Variants in RAB3C observed in about 807,000 individuals in gnomAD.
RAB3C encodes the protein ras-related protein Rab-3C.
A neutral mutation model predicts 26.4 loss-of-function variants in RAB3C; 17 were observed. That is an observed-to-expected ratio of 0.64 (90% CI 0.44 to 0.97). RAB3C has a LOEUF of 0.97. Among genes scored for constraint, RAB3C ranks in the 50% least tolerant of loss-of-function variants. The probability of loss-of-function intolerance (pLI) is 0.00; values close to 1 mark genes in which losing one functional copy is unlikely to be tolerated. For synonymous variants in RAB3C, 91 were observed against 95.9 expected (o/e 0.95, Z 0.30); for missense variants, 242 against 281.9 (o/e 0.86, Z 1.01).
At chr5:58,818,102 T>C (rs1255367630) in intron 3 of RAB3C, among the ~76,000 whole-genome samples, 1 of 152,162 alleles carries the variant, frequency 6.6e-6, no homozygotes, top group African/African-American at 2.4e-5. Flanking sequence ...TCGACAATTG[T>C]TTTTGTGGGT....
At chr5:58,597,076 A>AAT (rs1187806675) in intron 1 of RAB3C, among the ~76,000 whole-genome samples, 1 of 43,150 alleles carries the variant, frequency 2.3e-5, no homozygotes, top group African/African-American at 9.7e-5. Context: ...TATATTATAT[A>AAT]ATAATATATA....
chr5:58,790,741 G>A (rs1429036008), intron 3 of RAB3C, among the ~76,000 whole-genome samples: 1 of 152,078 alleles, frequency 6.6e-6, no homozygotes, highest in African/African-American at 2.4e-5. Context: ...AAAAAATGAT[G>A]TCTCTATAGT....
At chr5:58,827,785 C>G (rs1486942453) in intron 4 of RAB3C, among the ~76,000 whole-genome samples, 1 of 152,156 alleles carries the variant, frequency 6.6e-6, no homozygotes, top group Non-Finnish European at 1.5e-5. Flanking sequence ...CTCCTCATGG[C>G]TACACATGCT....
Position 58,859,387 on chromosome 5 carries a change from T to C in RAB3C, c.*8036T>C, listed in dbSNP as rs1371588396. 1 of 152,240 alleles carries C rather than the reference T, an allele frequency of 6.6e-6. No individual in the cohort carries two copies. Among genetic ancestry groups the C allele is most frequent in the Admixed American group, 6.5e-5 (1 of 15,282 alleles). 9.4% of individuals were successfully genotyped at this position (152,240 alleles called of 1,614,324 possible). A position where few individuals can be genotyped will look rare whatever the true frequency, so the allele number is the denominator to read the frequency against. On this transcript the variant is annotated 3_prime_UTR_variant, in exon 5 of 5. Coordinates refer to ENST00000282878, the MANE Select transcript of RAB3C (RefSeq NM_138453.4). ...TACAATAAATATCTAAGAGACTATA[T>C]TCCTGAATTTCTTAGCCTTAGTCTG...
intron 3 of RAB3C, among the ~76,000 whole-genome samples, chr5:58,756,539 C>G (rs1347150806): frequency 6.7e-6 from 1 of 149,976 alleles, no homozygotes; most frequent in East Asian, 1.9e-4. Flanking sequence ...GGCCCCCCAC[C>G]CCCCAACAGG....
chr5:58,779,279 T>C (rs958631143), intron 3 of RAB3C, among the ~76,000 whole-genome samples: 2 of 151,402 alleles, frequency 1.3e-5, no homozygotes, highest in Admixed American at 6.6e-5. Context: ...AAAAAGGAAC[T>C]TGTAGACTTT....
intron 3 of RAB3C, among the ~76,000 whole-genome samples, chr5:58,776,441 T>C (rs944515617): frequency 6.6e-6 from 1 of 152,082 alleles, no homozygotes; most frequent in African/African-American, 2.4e-5. Context: ...TCAAATAATA[T>C]CTCCATTCCG....
At chr5:58,660,968 G>A (rs1747893051) in intron 2 of RAB3C, among the ~76,000 whole-genome samples, 1 of 148,482 alleles carries the variant, frequency 6.7e-6, no homozygotes, top group Non-Finnish European at 1.5e-5. Context: ...CAAATTAGGT[G>A]GGAACTAACA....
At chr5:58,646,837 A>T (rs1444028609) in intron 2 of RAB3C, among the ~76,000 whole-genome samples, 1 of 152,172 alleles carries the variant, frequency 6.6e-6, no homozygotes, top group Non-Finnish European at 1.5e-5. Flanking sequence ...GACATATTCA[A>T]TTAGGAGTCT....
At position 58,638,057 on chromosome 5, in the gene RAB3C, C is replaced by A. The variant is rs187658583; in HGVS notation, c.252+20187C>A. On this transcript the variant is annotated intron_variant, in intron 2 of 4. Transcript: ENST00000282878. Reference sequence around the variant, plus strand: ...ATGATAATTTTCAATGGTATAAATACCTCTTTGGGTGGATAAGTCCCAGAA... The same window carrying A: ...ATGATAATTTTCAATGGTATAAATAACTCTTTGGGTGGATAAGTCCCAGAA... Among the ~76,000 whole-genome samples the A allele has an allele frequency of 1.8e-4, 28 of 151,912 alleles. No homozygotes were observed. The East Asian group carries it at 3.9e-3, about 21-fold the overall frequency.
chr5:58,605,996 G>A (rs1746559505), intron 1 of RAB3C, among the ~76,000 whole-genome samples: 1 of 152,190 alleles, frequency 6.6e-6, no homozygotes, highest in African/African-American at 2.4e-5. Flanking sequence ...CTGAAGACGG[G>A]TGATTTCTGC....
intron 2 of RAB3C, among the ~76,000 whole-genome samples, chr5:58,682,663 A>G (rs1320753812): frequency 2.2e-4 from 33 of 151,786 alleles, no homozygotes; most frequent in Non-Finnish European, 1.5e-5. Context: ...CAGCCTGGGC[A>G]ACAGAGTGAG....
At chr5:58,750,205 C>T (rs1262659297) in intron 3 of RAB3C, among the ~76,000 whole-genome samples, 1 of 152,174 alleles carries the variant, frequency 6.6e-6, no homozygotes, top group Non-Finnish European at 1.5e-5. Context: ...TCAACTAATA[C>T]AGTGTTCACT....
At chr5:58,647,937 T>C (rs1284797319) in intron 2 of RAB3C, among the ~76,000 whole-genome samples, 2 of 152,224 alleles carry the variant, frequency 1.3e-5, no homozygotes, top group Non-Finnish European at 2.9e-5. Context: ...GTTATCATGT[T>C]TTGAAGATGG....
intron 2 of RAB3C, among the ~76,000 whole-genome samples, chr5:58,681,076 A>T (rs951461022): frequency 6.6e-5 from 10 of 152,206 alleles, no homozygotes; most frequent in Non-Finnish European, 1.5e-4. Context: ...GATTATGTTC[A>T]TGAAGAAAAT....
rs568845344 is a variant in RAB3C, at chr5:58,726,201, T to C, written c.371+81T>C. On this transcript the variant is annotated intron_variant, in intron 3 of 4. Transcript: ENST00000282878. ...GTCTTTCTTCCCAAAGCAGTGACCATACCGCAATGTAATATATGTGTTTAC... is the reference window on the plus strand; with the variant it reads ...GTCTTTCTTCCCAAAGCAGTGACCACACCGCAATGTAATATATGTGTTTAC... 7.4e-6 allele frequency: 5 copies of C among 678,308 alleles called. No homozygotes were observed. The African/African-American group carries it at 9.2e-5, about 12-fold the overall frequency. The allele number at this position is 678,308 out of a possible 1,614,324, so 42.0% of individuals were successfully genotyped here.
chr5:58,688,875 T>C (rs545354672), intron 2 of RAB3C, among the ~76,000 whole-genome samples: 1 of 152,252 alleles, frequency 6.6e-6, no homozygotes, highest in Non-Finnish European at 1.5e-5. Flanking sequence ...ATGTATTTGA[T>C]TTGTTTTTGC....
At chr5:58,666,199 T>A (rs1388583037) in intron 2 of RAB3C, among the ~76,000 whole-genome samples, 2 of 152,186 alleles carry the variant, frequency 1.3e-5, no homozygotes, top group Non-Finnish European at 2.9e-5. Context: ...ATATTCAATG[T>A]CCCTCAGGAA....
chr5:58,839,334 AATG>A (rs1743822955), intron 4 of RAB3C, among the ~76,000 whole-genome samples: 1 of 139,652 alleles, frequency 7.2e-6, no homozygotes, highest in Admixed American at 7.2e-5. Flanking sequence ...CCCTATCTGT[AATG>A]ATAAGTTTTT....
Sources: gnomAD v4.1 joint callset for allele counts (sites outside exome capture counted in the v4.1 genomes callset) on GRCh38, gnomAD v4.1.1 for gene constraint, MANE v1.5 for transcripts, NCBI Gene and HGNC (gene_info 2026-07-23, HGNC 2026-07-21) for gene names.